Variants in SH3RF2 observed in about 807,000 individuals in gnomAD.
The protein encoded by SH3RF2 is E3 ubiquitin-protein ligase SH3RF2.
SH3RF2 carries 43 observed loss-of-function variants against 59.0 expected under a neutral mutation model. That is an observed-to-expected ratio of 0.73 (90% CI 0.57 to 0.94). SH3RF2 has a LOEUF of 0.94. Ranked by LOEUF, SH3RF2 falls within the 40% of genes least tolerant of loss-of-function variation. The probability of loss-of-function intolerance (pLI) is 0.00; values close to 1 mark genes in which losing one functional copy is unlikely to be tolerated. For synonymous variants in SH3RF2, 391 were observed against 391.5 expected (o/e 1.00, Z 0.01); for missense variants, 930 against 940.1 (o/e 0.99, Z 0.14).
intron 4 of SH3RF2, among the ~76,000 whole-genome samples, chr5:146,012,781 T>C (rs1225265824): frequency 5.3e-5 from 8 of 152,116 alleles, no homozygotes; most frequent in Non-Finnish European, 1.2e-4. Flanking sequence ...CAAAATATTA[T>C]GACATATTGC....
At chr5:146,012,604 A>G (rs1291096423) in intron 4 of SH3RF2, among the ~76,000 whole-genome samples, 1 of 152,268 alleles carries the variant, frequency 6.6e-6, no homozygotes, top group East Asian at 1.9e-4. Context: ...GGATTTCTAA[A>G]TTAGAATGAG....
intron 2 of SH3RF2, among the ~76,000 whole-genome samples, chr5:145,954,061 G>T (rs1758299920): frequency 6.6e-6 from 1 of 152,062 alleles, no homozygotes; most frequent in South Asian, 2.1e-4. Context: ...ATATTTCTCT[G>T]GGTATATACC....
At position 146,047,815 on chromosome 5, in the gene SH3RF2, C is replaced by G; in HGVS notation, c.1103C>G (p.Thr368Arg). 1 of 1,614,130 alleles carries G rather than the reference C, an allele frequency of 6.2e-7. No individual in the cohort carries two copies. Among genetic ancestry groups the G allele is most frequent in the Non-Finnish European group, 8.5e-7 (1 of 1,180,022 alleles). ...HPAPVSPGHS[T>R]AVVSLPGSQQ... ...GCACCTGTCTCTCCAGGACATTCCACAGCCGTGGTCAGTCTGCCTGGCTCC... is the reference window on the plus strand; with the variant it reads ...GCACCTGTCTCTCCAGGACATTCCAGAGCCGTGGTCAGTCTGCCTGGCTCC... The change falls in exon 6 of 10, where the codon ACA becomes AGA. Residue 368 changes from threonine to arginine, a missense_variant. Transcript: ENST00000359120.
At chr5:146,064,760 AAGGAAGGAAG>A (rs1763035071), downstream of SH3RF2, among the ~76,000 whole-genome samples, 6 of 6,888 alleles carry the variant, frequency 8.7e-4, no homozygotes, top group Non-Finnish European at 2.0e-3. Context: ...GGAAGGAAGG[AAGGAAGGAAG>A]GAAGGAAAGG....
At chr5:146,078,846 G>A (rs192492397) in exon 10 of SH3RF2, 11 of 152,280 alleles carry the variant, frequency 7.2e-5, no homozygotes, top group East Asian at 3.9e-4. Flanking sequence ...CAATGCCTTC[G>A]AGCTCTGTGG....
At chr5:145,998,242 G>A (rs1410134427) in intron 2 of SH3RF2, among the ~76,000 whole-genome samples, 3 of 146,116 alleles carry the variant, frequency 2.1e-5, no homozygotes, top group Non-Finnish European at 3.0e-5. Flanking sequence ...TTAGGTAGAA[G>A]TATTAGCTTG....
At chr5:146,005,040 C>T (rs1260122273) in intron 4 of SH3RF2, among the ~76,000 whole-genome samples, 1 of 152,012 alleles carries the variant, frequency 6.6e-6, no homozygotes, top group Admixed American at 6.5e-5. Context: ...AAAATGTTAA[C>T]ATTTTGTGAT....
At position 146,055,805 on chromosome 5, in the gene SH3RF2, G is replaced by A. The variant is rs903991986; in HGVS notation, c.1323-176G>A. On this transcript the variant is annotated intron_variant, in intron 7 of 9. Transcript: ENST00000359120. Reference sequence around the variant, plus strand: ...ACAGTTATCCGGGTGTAGGGAGGTGGGGCCAACTTTAGTTAAGCCTGTAGT... The same window carrying A: ...ACAGTTATCCGGGTGTAGGGAGGTGAGGCCAACTTTAGTTAAGCCTGTAGT... 4 of 683,468 alleles carry A rather than the reference G, an allele frequency of 5.9e-6. No individual in the cohort carries two copies. The Admixed American group carries it at 1.1e-4, about 19-fold the overall frequency. The allele number at this position is 683,468 out of a possible 1,614,324, so 42.3% of individuals were successfully genotyped here. A position where few individuals can be genotyped will look rare whatever the true frequency, so the allele number is the denominator to read the frequency against.
Position 146,022,779 on chromosome 5 carries a change from A to T in SH3RF2, c.1059+8718A>T, listed in dbSNP as rs191031171. 3.9e-3 allele frequency among the ~76,000 whole-genome samples: 590 copies of T among 151,806 alleles called. 3 individuals are homozygous for T. The highest frequency in any genetic ancestry group is 0.01 in the Middle Eastern group (3 of 292). On this transcript the variant is annotated intron_variant, in intron 5 of 9. Coordinates refer to ENST00000359120, the MANE Select transcript of SH3RF2 (RefSeq NM_152550.4). Reference sequence around the variant, plus strand: ...TCCCAGCTACTTGGGAAGCTGAGGCAGGAGAATGGCTTGAACCAGGAGGCA... The same window carrying T: ...TCCCAGCTACTTGGGAAGCTGAGGCTGGAGAATGGCTTGAACCAGGAGGCA...
At chr5:146,063,885 G>T (rs1186313966), downstream of SH3RF2, among the ~76,000 whole-genome samples, 1 of 152,032 alleles carries the variant, frequency 6.6e-6, no homozygotes, top group Non-Finnish European at 1.5e-5. Context: ...AAAAAAGAAA[G>T]CACAACATGC....
chr5:146,017,474 G>A lies in SH3RF2; in HGVS notation c.1059+3413G>A, dbSNP rs943090703. Among the ~76,000 whole-genome samples, 11 of 152,066 alleles carry A rather than the reference G, an allele frequency of 7.2e-5. No individual in the cohort carries two copies. In the East Asian group the frequency reaches 1.9e-3, roughly 27 times the overall value. The stretch of plus-strand genomic sequence containing the variant: ...CCTCCCACACTCACAGAGCAGTGAA[G>A]CATTCTTGTTTTCCTAAGAGTTTCT... On this transcript the variant is annotated intron_variant, in intron 5 of 9. Transcript: ENST00000359120.
chr5:145,961,542 T>C (rs541639242), intron 2 of SH3RF2, among the ~76,000 whole-genome samples: 2 of 152,196 alleles, frequency 1.3e-5, no homozygotes, highest in East Asian at 1.9e-4. Context: ...GACATAATCA[T>C]GGCGAATAGT....
rs1054482648 is a variant in SH3RF2 at position 146,033,439 on chromosome 5, A to G, written c.1060-14333A>G. 7.7e-5 allele frequency among the ~76,000 whole-genome samples: 10 copies of G among 129,122 alleles called. No individual in the cohort carries two copies. In the South Asian group the frequency reaches 2.7e-3, roughly 34 times the overall value. 84.7% of individuals were successfully genotyped at this position (129,122 alleles called of 152,430 possible). A position where few individuals can be genotyped will look rare whatever the true frequency, so the allele number is the denominator to read the frequency against. On this transcript the variant is annotated intron_variant, in intron 5 of 9. Coordinates refer to ENST00000359120, the MANE Select transcript of SH3RF2 (RefSeq NM_152550.4). The stretch of plus-strand genomic sequence containing the variant: ...ATTTCCTTAGTGAAAATCTATGAGC[A>G]CTAGCCCTTAGCTTTTTTTTTTTTT...
At chr5:145,939,013 C>T (rs1177066411) in intron 2 of SH3RF2, among the ~76,000 whole-genome samples, 9 of 152,236 alleles carry the variant, frequency 5.9e-5, no homozygotes, top group Admixed American at 2.0e-4. Flanking sequence ...GACCCAGTTA[C>T]GCCTCACAGG....
At chr5:145,994,717 A>G (rs1363723300) in intron 2 of SH3RF2, among the ~76,000 whole-genome samples, 1 of 152,092 alleles carries the variant, frequency 6.6e-6, no homozygotes, top group African/African-American at 2.4e-5. Context: ...TCAAGTTGAG[A>G]TTTGGGTGGG....
intron 5 of SH3RF2, among the ~76,000 whole-genome samples, chr5:146,027,109 G>A (rs190722315): frequency 2.1e-4 from 32 of 152,292 alleles, no homozygotes; most frequent in Non-Finnish European, 2.5e-4. Context: ...GAAGTGCAAA[G>A]GCTTCCAAAA....
At chr5:145,966,937 G>A (rs1014760562) in intron 2 of SH3RF2, among the ~76,000 whole-genome samples, 2 of 152,100 alleles carry the variant, frequency 1.3e-5, no homozygotes, top group Admixed American at 6.5e-5. Flanking sequence ...TGGGAGCATC[G>A]CTTGAGCCCA....
chr5:145,955,204 C>A (rs1758346315), intron 2 of SH3RF2, among the ~76,000 whole-genome samples: 1 of 152,134 alleles, frequency 6.6e-6, no homozygotes, highest in African/African-American at 2.4e-5. Context: ...ATTTTCAGTT[C>A]AAAAACTGAC....
chr5:146,004,317 G>A (rs1431755339), intron 4 of SH3RF2, among the ~76,000 whole-genome samples, 164 bp downstream of exon 4: 1 of 152,202 alleles, frequency 6.6e-6, no homozygotes, highest in Non-Finnish European at 1.5e-5. Context: ...TCTGGCAAGA[G>A]TCTGGGGAAA....
Sources: allele counts gnomAD v4.1 joint callset (sites outside exome capture counted in the v4.1 genomes callset), GRCh38; gene constraint gnomAD v4.1.1; transcripts MANE v1.5; gene names NCBI Gene and HGNC (gene_info 2026-07-23, HGNC 2026-07-21).